The following OLAH variants were observed in gnomAD, a reference collection of about 807,000 sequenced individuals.
The protein encoded by OLAH is S-acyl fatty acid synthase thioesterase, medium chain.
In OLAH, 33 loss-of-function variants were observed where a neutral mutation model predicts 27.8. That is an observed-to-expected ratio of 1.19 (90% confidence interval 0.90 to 1.59). OLAH has a LOEUF of 1.59. OLAH is among the 40% of genes most tolerant of loss of function. The probability of loss-of-function intolerance (pLI) is 0.00; values close to 1 mark genes in which losing one functional copy is unlikely to be tolerated. For missense variants in OLAH, 359 were observed against 310.8 expected, an observed-to-expected ratio of 1.16 and a Z score of -1.17; for synonymous variants, 120 against 102.9, an observed-to-expected ratio of 1.17 and a Z score of -1.01.
intron 3 of OLAH, among the ~76,000 whole-genome samples, chr10:15,055,764 T>C (rs186879517): frequency 2.6e-5 from 4 of 152,278 alleles, no homozygotes; most frequent in Admixed American, 1.3e-4. Flanking sequence ...ACCAATATAA[T>C]TGAAGTCTCC....
chr10:15,054,736 T>C (rs1844214274), intron 3 of OLAH, among the ~76,000 whole-genome samples: 1 of 152,160 alleles, frequency 6.6e-6, no homozygotes, highest in Non-Finnish European at 1.5e-5. Context: ...GCACTTTGCA[T>C]CCACTGTGTT....
At chr10:15,035,891 T>G (rs1843834082) in intron 1 of OLAH, among the ~76,000 whole-genome samples, 1 of 152,162 alleles carries the variant, frequency 6.6e-6, no homozygotes. Context: ...CTGTCTCCTT[T>G]CATTGCTCAT....
intron 3 of OLAH, among the ~76,000 whole-genome samples, chr10:15,060,057 C>T (rs1844332765): frequency 6.6e-6 from 1 of 151,954 alleles, no homozygotes; most frequent in Non-Finnish European, 1.5e-5. Flanking sequence ...TTTCCCTCTT[C>T]TCTTCTCTCC....
In OLAH at chr10:15,073,342, G is replaced by T; in HGVS notation, c.*113G>T. ...AAATTACACATTTTCTACTGTCAGG[G>T]AGATTCGTTACATAAATATATTTAC... On this transcript the variant is annotated 3_prime_UTR_variant, in exon 8 of 8. Transcript: ENST00000378228. 1 of 711,008 alleles carries T rather than the reference G, an allele frequency of 1.4e-6. No homozygotes were observed. The highest frequency in any genetic ancestry group is 2.3e-6 in the Non-Finnish European group (1 of 438,010). 44.0% of individuals were successfully genotyped at this position (711,008 alleles called of 1,614,324 possible).
intron 1 of OLAH, among the ~76,000 whole-genome samples, chr10:15,038,394 T>C (rs931731664): frequency 6.6e-6 from 1 of 152,042 alleles, no homozygotes; most frequent in Admixed American, 6.6e-5. Context: ...TTGGGAGGGG[T>C]CCAGGGTGGA....
At chr10:15,062,735 A>C (rs1004236782) in intron 4 of OLAH, among the ~76,000 whole-genome samples, 33 of 151,548 alleles carry the variant, frequency 2.2e-4, no homozygotes, top group Admixed American at 2.2e-3. Context: ...TAGTCCAGTG[A>C]ACATTCTTTT....
chr10:15,073,487 C>T lies in OLAH; in HGVS notation c.*258C>T, dbSNP rs1031204672. 1.8e-5 allele frequency: 5 copies of T among 277,804 alleles called. No individual in the cohort carries two copies. The highest frequency in any genetic ancestry group is 6.9e-5 in the African/African-American group (3 of 43,424). The allele number at this position is 277,804 out of a possible 1,614,324, so 17.2% of individuals were successfully genotyped here. Reference sequence around the variant, plus strand: ...CGTCCTGGCTAACACCGTGAAACCCCATCTCTACTAAAAATACACAAAATT... The same window carrying T: ...CGTCCTGGCTAACACCGTGAAACCCTATCTCTACTAAAAATACACAAAATT... On this transcript the variant is annotated 3_prime_UTR_variant, in exon 8 of 8. Transcript: ENST00000378228.
intron 1 of OLAH, among the ~76,000 whole-genome samples, chr10:15,036,047 G>A (rs1250878711): frequency 2.0e-5 from 3 of 152,282 alleles, no homozygotes; most frequent in East Asian, 1.9e-4. Context: ...CCTGCAATGA[G>A]AAACCAGCAA....
In OLAH at chr10:15,052,030, C is replaced by T. The variant is rs1475909986; in HGVS notation, c.163+2265C>T. Among the ~76,000 whole-genome samples the T allele has an allele frequency of 3.3e-5, 5 of 152,314 alleles. No individual in the cohort carries two copies. The East Asian group carries it at 7.7e-4, about 23-fold the overall frequency. On this transcript the variant is annotated intron_variant, in intron 3 of 7. Coordinates refer to ENST00000378228, the MANE Select transcript of OLAH (RefSeq NM_001039702.3). Reference sequence around the variant, plus strand: ...GGGCATGGTGGCTCACGCCTGTAATCCTGGCACTTTGGGAGGCTGAGGTGG... The same window carrying T: ...GGGCATGGTGGCTCACGCCTGTAATTCTGGCACTTTGGGAGGCTGAGGTGG...
In OLAH at chr10:15,072,999, G is replaced by A. The variant is rs1465782564; in HGVS notation, c.656-88G>A. 7.2e-6 allele frequency: 9 copies of A among 1,242,506 alleles called. No individual in the cohort carries two copies. The Admixed American group carries it at 1.2e-4, about 16-fold the overall frequency. 77.0% of individuals were successfully genotyped at this position (1,242,506 alleles called of 1,614,324 possible). Reference sequence around the variant, plus strand: ...GGCCTTGAAAGTAACCGTACTTCAGGGTGTCAGCTCTTAAAGAAATGATGT... The same window carrying A: ...GGCCTTGAAAGTAACCGTACTTCAGAGTGTCAGCTCTTAAAGAAATGATGT... On this transcript the variant is annotated intron_variant, in intron 7 of 7. Transcript: ENST00000378228.
rs575577023 is a variant in OLAH, at chr10:15,044,236, C to T, written c.-164+250C>T. Among the ~76,000 whole-genome samples the T allele has an allele frequency of 2.0e-5, 3 of 152,036 alleles. No homozygotes were observed. The East Asian group carries it at 5.8e-4, about 29-fold the overall frequency. On this transcript the variant is annotated intron_variant, in intron 1 of 7. Coordinates refer to ENST00000378228, the MANE Select transcript of OLAH (RefSeq NM_001039702.3). ...CTTTCCCTTGCCTTTTCTCAGTTCT[C>T]TTTTTGATTAAATAAACATTTTTCT... is the stretch of plus-strand genomic sequence containing the variant.
rs562529525 is a variant in OLAH at position 15,065,324 on chromosome 10, A to T, written c.403-260A>T. Among the ~76,000 whole-genome samples the T allele has an allele frequency of 2.2e-4, 33 of 152,296 alleles. No homozygotes were observed. In the South Asian group the frequency reaches 6.6e-3, roughly 31 times the overall value. The stretch of plus-strand genomic sequence containing the variant: ...CTACCTCTTTGGTCTTTCCCACTTC[A>T]TCTGGAGAAAGATCCTGCCTGTCCC... On this transcript the variant is annotated intron_variant, in intron 5 of 7. Coordinates refer to ENST00000378228, the MANE Select transcript of OLAH (RefSeq NM_001039702.3).
chr10:15,073,431 C>A lies in OLAH; in HGVS notation c.*202C>A, dbSNP rs767186061. On this transcript the variant is annotated 3_prime_UTR_variant, in exon 8 of 8. Transcript: ENST00000378228. ...CTGGCAGCACTTTGGGAGGCCAAGG[C>A]GGGCGGATCACGAGGTCAGGAGATC... 4 of 454,886 alleles carry A rather than the reference C, an allele frequency of 8.8e-6. No individual in the cohort carries two copies. Among genetic ancestry groups the A allele is most frequent in the Non-Finnish European group, 1.6e-5 (4 of 257,372 alleles). The allele number at this position is 454,886 out of a possible 1,614,324, so 28.2% of individuals were successfully genotyped here.
chr10:15,066,745 A>C (rs999334829), intron 6 of OLAH, among the ~76,000 whole-genome samples: 43 of 151,826 alleles, frequency 2.8e-4, no homozygotes, highest in African/African-American at 9.9e-4. Flanking sequence ...GGTTCAAGCG[A>C]TTCTCCTGCC....
upstream of OLAH, among the ~76,000 whole-genome samples, chr10:15,043,012 C>A (rs1422111690): frequency 6.6e-6 from 1 of 151,846 alleles, no homozygotes; most frequent in Non-Finnish European, 1.5e-5. Flanking sequence ...AGGCGCCCGC[C>A]ACCACACCCA....
intron 4 of OLAH, among the ~76,000 whole-genome samples, chr10:15,063,349 T>G (rs557784456): frequency 6.6e-6 from 1 of 152,276 alleles, no homozygotes; most frequent in Admixed American, 6.5e-5. Flanking sequence ...CAGGCTGGTC[T>G]CCAACTCCTG....
intron 1 of OLAH, among the ~76,000 whole-genome samples, chr10:15,045,043 C>T (rs1262903391): frequency 1.3e-5 from 2 of 152,148 alleles, no homozygotes; most frequent in Non-Finnish European, 2.9e-5. Context: ...GTACTTCAAT[C>T]AAATGAAAGC....
chr10:15,057,100 TA>T, intron 3 of OLAH: 4 of 1,194,812 alleles, frequency 3.3e-6, no homozygotes, highest in Non-Finnish European at 4.3e-6. Flanking sequence ...ACTCTTCTTT[TA>T]AACTTTATGC....
At chr10:15,070,572 C>T (rs1218058279) in intron 6 of OLAH, among the ~76,000 whole-genome samples, 4 of 152,006 alleles carry the variant, frequency 2.6e-5, no homozygotes, top group Non-Finnish European at 5.9e-5. Flanking sequence ...GCAACCTCTG[C>T]CTTCCAGGTT....
Sources: gnomAD v4.1 joint callset for allele counts (sites outside exome capture counted in the v4.1 genomes callset) on GRCh38, gnomAD v4.1.1 for gene constraint, MANE v1.5 for transcripts, NCBI Gene and HGNC (gene_info 2026-07-23, HGNC 2026-07-21) for gene names.